Variants in KIF13B observed in about 807,000 individuals in gnomAD.
KIF13B encodes kinesin-like protein KIF13B.
A neutral mutation model predicts 222.0 loss-of-function variants in KIF13B; 127 were observed. The ratio of observed to expected loss-of-function variants is 0.57; its 90% CI spans 0.50 to 0.66. KIF13B has a LOEUF of 0.66. Among genes scored for constraint, KIF13B ranks in the 30% least tolerant of loss-of-function variants. KIF13B has a pLI of 0.00. For missense variants in KIF13B, 2,173 were observed against 2,379.0 expected (o/e 0.91, Z 1.80); for synonymous variants, 976 against 919.0 (o/e 1.06, Z -1.12).
At chr8:29,185,833 G>C (rs940833414) in intron 6 of KIF13B, among the ~76,000 whole-genome samples, 10 of 152,280 alleles carry the variant, frequency 6.6e-5, no homozygotes, top group African/African-American at 2.4e-4. Flanking sequence ...AAACTCTGTG[G>C]AATGAACAGA....
chr8:29,072,792 G>A (rs1418073177), intron 38 of KIF13B, among the ~76,000 whole-genome samples: 1 of 152,102 alleles, frequency 6.6e-6, no homozygotes, highest in African/African-American at 2.4e-5. Context: ...AAGGCCCCTC[G>A]CCACAGAGGG....
intron 5 of KIF13B, among the ~76,000 whole-genome samples, chr8:29,188,295 C>T (rs938911294): frequency 2.2e-4 from 34 of 152,148 alleles, no homozygotes; most frequent in Non-Finnish European, 3.8e-4. Flanking sequence ...ACAATGCTGC[C>T]AGTGCCTTGT....
At chr8:29,147,849 C>A (rs976118323) in intron 16 of KIF13B, among the ~76,000 whole-genome samples, 2 of 152,240 alleles carry the variant, frequency 1.3e-5, no homozygotes, top group African/African-American at 4.8e-5. Flanking sequence ...TAACCTAAGA[C>A]ATGGCGAATC....
chr8:29,132,601 C>G (rs1224415573), intron 22 of KIF13B, 136 bp from the exon 23 acceptor site: 10 of 494,920 alleles, frequency 2.0e-5, no homozygotes, highest in African/African-American at 4.0e-5. Context: ...ACAGAACTAT[C>G]ATCTAAAACC....
At chr8:29,080,327 CAAAAA>C (rs5890439) in intron 37 of KIF13B, among the ~76,000 whole-genome samples, 1 of 67,148 alleles carries the variant, frequency 1.5e-5, no homozygotes. Context: ...GACCCAGTCT[CAAAAA>C]AAAAAAAAAA....
intron 5 of KIF13B, among the ~76,000 whole-genome samples, chr8:29,187,059 A>G (rs1210637170): frequency 6.6e-6 from 1 of 152,122 alleles, no homozygotes; most frequent in Non-Finnish European, 1.5e-5. Context: ...AGTGAGGTCT[A>G]AAAGTTTTCC....
chr8:29,183,793 C>T (rs542254575), intron 6 of KIF13B, among the ~76,000 whole-genome samples: 108 of 152,178 alleles, frequency 7.1e-4, no homozygotes, highest in African/African-American at 2.5e-3. Context: ...TGTTAGCTTC[C>T]GTCATTTGGA....
At chr8:29,111,097 A>G (rs979668464) in intron 32 of KIF13B, among the ~76,000 whole-genome samples, 1 of 152,260 alleles carries the variant, frequency 6.6e-6, no homozygotes, top group Non-Finnish European at 1.5e-5. Flanking sequence ...TAAGTTCACA[A>G]AAACTTTTGT....
chr8:29,078,810 C>G (rs1257638776), intron 37 of KIF13B, among the ~76,000 whole-genome samples: 2 of 152,164 alleles, frequency 1.3e-5, no homozygotes, highest in Non-Finnish European at 2.9e-5. Context: ...TGGAAAAGGA[C>G]TAAGTTCTCA....
At chr8:29,171,536 A>G (rs950895821) in intron 10 of KIF13B, among the ~76,000 whole-genome samples, 1 of 152,120 alleles carries the variant, frequency 6.6e-6, no homozygotes, top group African/African-American at 2.4e-5. Flanking sequence ...TCAAACTAGG[A>G]TCTGGGTGAG....
chr8:29,224,573 C>T (rs1814930966), intron 2 of KIF13B, among the ~76,000 whole-genome samples: 1 of 152,038 alleles, frequency 6.6e-6, no homozygotes, highest in South Asian at 2.1e-4. Context: ...AATTCATTAC[C>T]TATGTTAATA....
At chr8:29,212,474 A>G (rs1170756020) in intron 2 of KIF13B, among the ~76,000 whole-genome samples, 1 of 152,170 alleles carries the variant, frequency 6.6e-6, no homozygotes, top group Admixed American at 6.5e-5. Flanking sequence ...AGAATCTTCT[A>G]AAGACGTGTT....
At chr8:29,226,302 T>C (rs930786477) in intron 2 of KIF13B, among the ~76,000 whole-genome samples, 1 of 152,242 alleles carries the variant, frequency 6.6e-6, no homozygotes, top group Non-Finnish European at 1.5e-5. Flanking sequence ...CTTCACATTA[T>C]AGATGGAATT....
rs1393325848 is a variant in KIF13B, at chr8:29,180,089, C to T, written c.720+15G>A. 1 of 1,613,166 alleles carries T rather than the reference C, an allele frequency of 6.2e-7. No individual in the cohort carries two copies. The highest frequency in any genetic ancestry group is 1.3e-5 in the African/African-American group (1 of 74,990). ...TTTAGAAATATAAAAACAGGTCATG[C>T]ATCTGAACACCTACCCCAGACTTCA... On this transcript the variant is annotated intron_variant, in intron 8 of 39. Transcript: ENST00000524189.
intron 10 of KIF13B, among the ~76,000 whole-genome samples, chr8:29,170,661 G>C (rs1045978352): frequency 6.6e-6 from 1 of 152,188 alleles, no homozygotes; most frequent in African/African-American, 2.4e-5. Flanking sequence ...TAAAGTCCTA[G>C]AGGCAAGACA....
intron 21 of KIF13B, among the ~76,000 whole-genome samples, chr8:29,136,398 G>C (rs1179965002): frequency 1.3e-5 from 2 of 152,054 alleles, no homozygotes; most frequent in African/African-American, 4.8e-5. Flanking sequence ...GACCAACATG[G>C]AGAAACCCCG....
At position 29,070,126 on chromosome 8, in the gene KIF13B, T is replaced by G. The variant is rs1807186004; in HGVS notation, c.*378A>C. 4 of 243,182 alleles carry G rather than the reference T, an allele frequency of 1.6e-5. No individual in the cohort carries two copies. The highest frequency in any genetic ancestry group is 1.6e-4 in the South Asian group (3 of 19,030). The allele number at this position is 243,182 out of a possible 1,614,324, so 15.1% of individuals were successfully genotyped here. ...AAAGGCACTGGTTACAATTATGGTT[T>G]AGGTTAAGACATTAGTGGGGCCACC... On this transcript the variant is annotated 3_prime_UTR_variant, in exon 40 of 40. Coordinates refer to ENST00000524189, the MANE Select transcript of KIF13B (RefSeq NM_015254.4). The surrounding 1 kb of genome is among the most constrained non-coding windows in gnomAD (Gnocchi z 4.1).
At chr8:29,165,807 G>C in intron 11 of KIF13B, 35 bp from the exon 12 acceptor site, 1 of 1,459,782 alleles carries the variant, frequency 6.9e-7, no homozygotes, top group Non-Finnish European at 9.6e-7. Context: ...GAAATGTCTA[G>C]AAGATGCCCT....
At chr8:29,182,042 A>C in intron 6 of KIF13B, 36 bp from the exon 7 acceptor site, 1 of 1,533,420 alleles carries the variant, frequency 6.5e-7, no homozygotes, top group East Asian at 2.3e-5. Flanking sequence ...TTTTTTAACA[A>C]TAGCCTATTT....
Sources: allele counts gnomAD v4.1 joint callset (sites outside exome capture counted in the v4.1 genomes callset), GRCh38; gene constraint gnomAD v4.1.1; non-coding constraint Gnocchi (gnomAD v3.1); transcripts MANE v1.5; gene names NCBI Gene and HGNC (gene_info 2026-07-23, HGNC 2026-07-21).